Variants in HDAC1 observed in about 807,000 individuals in gnomAD.
HDAC1 encodes protein deacetylase HDAC1.
Under a neutral mutation model 65.5 loss-of-function variants are expected in HDAC1, and 18 were observed. The ratio of observed to expected loss-of-function variants is 0.27; its 90% CI spans 0.19 to 0.41. HDAC1 has a LOEUF of 0.41. Ranked by LOEUF, HDAC1 falls within the 10% of genes least tolerant of loss-of-function variation. The probability of loss-of-function intolerance (pLI) is 1.00; values close to 1 mark genes in which losing one functional copy is unlikely to be tolerated. For synonymous variants in HDAC1, 211 were observed against 227.9 expected, an observed-to-expected ratio of 0.93 and a Z score of 0.67; for missense variants, 373 against 625.2, an observed-to-expected ratio of 0.60 and a Z score of 4.30.
chr1:32,315,009 A>G (rs1316245677), intron 2 of HDAC1, among the ~76,000 whole-genome samples: 1 of 152,182 alleles, frequency 6.6e-6, no homozygotes, highest in Non-Finnish European at 1.5e-5. Context: ...TGTTTTGCCT[A>G]TAGTCACAAT....
At chr1:32,322,791 C>T (rs563775511) in intron 3 of HDAC1, among the ~76,000 whole-genome samples, 9 of 152,272 alleles carry the variant, frequency 5.9e-5, no homozygotes, top group East Asian at 1.9e-4. Flanking sequence ...CACTGGGCTA[C>T]GGGAGTCAAG....
intron 12 of HDAC1, 99 bp downstream of exon 12, chr1:32,332,341 T>C: frequency 8.9e-7 from 1 of 1,118,218 alleles, no homozygotes; most frequent in South Asian, 1.5e-5. Context: ...TGCCAGCTCC[T>C]GTGGGGCTCT....
chr1:32,305,364 A>C (rs1211902556), intron 2 of HDAC1, among the ~76,000 whole-genome samples: 1 of 152,196 alleles, frequency 6.6e-6, no homozygotes, highest in Non-Finnish European at 1.5e-5. Context: ...TACTAGGATT[A>C]GAATTGGGTC....
At chr1:32,292,570 G>A in intron 1 of HDAC1, 1 of 412,568 alleles carries the variant, frequency 2.4e-6, no homozygotes, top group Non-Finnish European at 3.3e-6. Context: ...TTCTTGCCGA[G>A]AACCCAAAGC....
chr1:32,299,080 A>G lies in HDAC1; in HGVS notation c.50-3541A>G, dbSNP rs188062844. Among the ~76,000 whole-genome samples the G allele has an allele frequency of 4.0e-3, 614 of 152,332 alleles. 3 individuals are homozygous for G. Among genetic ancestry groups the G allele is most frequent in the African/African-American group, 0.014 (576 of 41,576 alleles). On this transcript the variant is annotated intron_variant, in intron 1 of 13. Coordinates refer to ENST00000373548, the MANE Select transcript of HDAC1 (RefSeq NM_004964.3). ...AGTCTCTCAGCAACCTGATTAAGAT[A>G]TAGAGATATATCTTTATTTTAATTA...
At chr1:32,293,355 C>T (rs906184976) in intron 1 of HDAC1, among the ~76,000 whole-genome samples, 1 of 151,466 alleles carries the variant, frequency 6.6e-6, no homozygotes, top group Non-Finnish European at 1.5e-5. Flanking sequence ...AAATAGGGAC[C>T]GGACCATGAA....
chr1:32,331,623 G>A lies in HDAC1; in HGVS notation c.1088+41G>A. 6.2e-7 allele frequency: 1 copy of A among 1,613,462 alleles called. No homozygotes were observed. On this transcript the variant is annotated intron_variant, in intron 10 of 13. Transcript: ENST00000373548. The surrounding 1 kb of genome is among the most constrained non-coding windows in gnomAD (Gnocchi z 4.2). ...AGCCACCCCTTGGTTGAACATTCCT[G>A]ACTTTGGTTTGTCCCTGACCAGAGC...
intron 4 of HDAC1, 73 bp downstream of exon 4, chr1:32,324,626 C>G: frequency 2.0e-6 from 2 of 981,444 alleles, no homozygotes; most frequent in South Asian, 2.6e-5. Flanking sequence ...AGGCTGCTAT[C>G]CTAGTTGGCT....
rs560137992 is a variant in HDAC1, at chr1:32,307,182, T to C, written c.162+4449T>C. Among the ~76,000 whole-genome samples the C allele has an allele frequency of 2.6e-5, 4 of 152,212 alleles. No homozygotes were observed. In the South Asian group the frequency reaches 8.3e-4, roughly 32 times the overall value. On this transcript the variant is annotated intron_variant, in intron 2 of 13. Coordinates refer to ENST00000373548, the MANE Select transcript of HDAC1 (RefSeq NM_004964.3). Reference sequence around the variant, plus strand: ...ATCATTTGAACCTGGGAGGCAGAGGTTGCAGTGAGCTGAGATCTCACCATT... The same window carrying C: ...ATCATTTGAACCTGGGAGGCAGAGGCTGCAGTGAGCTGAGATCTCACCATT...
intron 2 of HDAC1, among the ~76,000 whole-genome samples, chr1:32,314,780 C>T (rs577598819): frequency 1.3e-4 from 20 of 148,358 alleles, no homozygotes; most frequent in African/African-American, 4.3e-4. Context: ...GAGCCGAGAT[C>T]GCGCCACTGC....
chr1:32,327,275 C>T lies in HDAC1; in HGVS notation c.494+198C>T. 1.6e-6 allele frequency: 1 copy of T among 623,324 alleles called. No individual in the cohort carries two copies. Among genetic ancestry groups the T allele is most frequent in the South Asian group, 1.9e-5 (1 of 51,696 alleles). The allele number at this position is 623,324 out of a possible 1,614,324, so 38.6% of individuals were successfully genotyped here. A position where few individuals can be genotyped will look rare whatever the true frequency, so the allele number is the denominator to read the frequency against. Reference sequence around the variant, plus strand: ...GCCACGGCATGATCAGGGGCAGATGCTGCTCAGATCCTGCCTCCAGAGTGT... The same window carrying T: ...GCCACGGCATGATCAGGGGCAGATGTTGCTCAGATCCTGCCTCCAGAGTGT... On this transcript the variant is annotated intron_variant, in intron 5 of 13. Transcript: ENST00000373548. The surrounding 1 kb of genome is among the most constrained non-coding windows in gnomAD (Gnocchi z 6.0).
chr1:32,325,928 G>A (rs1641210872), intron 4 of HDAC1, among the ~76,000 whole-genome samples: 1 of 152,004 alleles, frequency 6.6e-6, no homozygotes, highest in Non-Finnish European at 1.5e-5. Flanking sequence ...TTGGGAGGCT[G>A]AGGCAGGAGA....
At chr1:32,297,471 T>A (rs574523801) in intron 1 of HDAC1, among the ~76,000 whole-genome samples, 10 of 152,030 alleles carry the variant, frequency 6.6e-5, no homozygotes, top group Admixed American at 6.6e-4. Context: ...CTGAGGCAGG[T>A]GGATGGTTTG....
intron 2 of HDAC1, 66 bp downstream of exon 2, chr1:32,302,799 T>C: frequency 1.3e-6 from 1 of 779,224 alleles, no homozygotes; most frequent in South Asian, 1.4e-5. Flanking sequence ...TGCCATTCAT[T>C]ATCTCATTTT....
chr1:32,293,393 T>G (rs1176720825), intron 1 of HDAC1, among the ~76,000 whole-genome samples: 1 of 151,744 alleles, frequency 6.6e-6, no homozygotes, highest in Non-Finnish European at 1.5e-5. Flanking sequence ...CCAAGGAAGT[T>G]GGACTTTATT....
chr1:32,313,491 G>A (rs1038446649), intron 2 of HDAC1, among the ~76,000 whole-genome samples: 7 of 152,180 alleles, frequency 4.6e-5, no homozygotes, highest in African/African-American at 1.7e-4. Context: ...CCAGGGCTTA[G>A]ATCTTTAAAA....
chr1:32,328,974 CTCTT>C, intron 6 of HDAC1, 90 bp from the exon 7 acceptor site: 1 of 813,552 alleles, frequency 1.2e-6, no homozygotes, highest in Non-Finnish European at 2.2e-6. Context: ...TAGCTTGTCT[CTCTT>C]GAACCTCTTC....
intron 3 of HDAC1, among the ~76,000 whole-genome samples, chr1:32,317,510 AG>A (rs1198083556): frequency 6.6e-6 from 1 of 152,212 alleles, no homozygotes; most frequent in Non-Finnish European, 1.5e-5. Context: ...AACTTATGAC[AG>A]CTTATATGGA....
Position 32,329,840 on chromosome 1 carries a change from G to T in HDAC1, c.729+680G>T, listed in dbSNP as rs1641266897. ...ATGAGGAGGTGCCCATGTGAAGAAG[G>T]AGGTGATGGCAGTAAGGGTGGCATT... On this transcript the variant is annotated intron_variant, in intron 7 of 13. Coordinates refer to ENST00000373548, the MANE Select transcript of HDAC1 (RefSeq NM_004964.3). This position sits in a 1 kb window ranked among gnomAD's most constrained non-coding sequence, Gnocchi z 4.1. 1 of 156,568 alleles carries T rather than the reference G, an allele frequency of 6.4e-6. No individual in the cohort carries two copies. The highest frequency in any genetic ancestry group is 1.9e-4 in the South Asian group (1 of 5,214). 9.7% of individuals were successfully genotyped at this position (156,568 alleles called of 1,614,324 possible).
Sources: allele counts gnomAD v4.1 joint callset (sites outside exome capture counted in the v4.1 genomes callset), GRCh38; gene constraint gnomAD v4.1.1; non-coding constraint Gnocchi (gnomAD v3.1); transcripts MANE v1.5; gene names NCBI Gene and HGNC (gene_info 2026-07-23, HGNC 2026-07-21).